DNAH9: variants seen among roughly 807,000 people sequenced by gnomAD.
The protein encoded by DNAH9 is dynein axonemal heavy chain 9.
Under a neutral mutation model 471.6 loss-of-function variants are expected in DNAH9, and 345 were observed. That is an observed-to-expected ratio of 0.73 (90% CI 0.67 to 0.80). The LOEUF is 0.80. Among genes scored for constraint, DNAH9 ranks in the 30% least tolerant of loss-of-function variants. The probability of loss-of-function intolerance (pLI) is 0.00; values close to 1 mark genes in which losing one functional copy is unlikely to be tolerated. For synonymous variants in DNAH9, 2,093 were observed against 2,123.6 expected (o/e 0.99, Z 0.40); for missense variants, 5,407 against 5,609.2 (o/e 0.96, Z 1.15).
At chr17:11,768,027 C>T (rs1293434381) in intron 36 of DNAH9, among the ~76,000 whole-genome samples, 1 of 152,152 alleles carries the variant, frequency 6.6e-6, no homozygotes, top group African/African-American at 2.4e-5. Context: ...GCTCTGTGCC[C>T]CAGGTGTCAA....
intron 8 of DNAH9, among the ~76,000 whole-genome samples, chr17:11,635,625 C>G (rs1597414202): frequency 6.6e-6 from 1 of 152,110 alleles, no homozygotes; most frequent in Non-Finnish European, 1.5e-5. Flanking sequence ...ATGGAAGGCA[C>G]GTTTAGAAGC....
At chr17:11,847,527 TGG>T (rs1971268321) in intron 49 of DNAH9, among the ~76,000 whole-genome samples, 1 of 152,184 alleles carries the variant, frequency 6.6e-6, no homozygotes, top group African/African-American at 2.4e-5. Context: ...TGTGGGTGTG[TGG>T]CCTTATATTT....
At chr17:11,800,978 C>T (rs193169699) in intron 43 of DNAH9, among the ~76,000 whole-genome samples, 1 of 152,222 alleles carries the variant, frequency 6.6e-6, no homozygotes, top group East Asian at 1.9e-4. Flanking sequence ...TAACTAGGGT[C>T]ATCAGGAAGG....
At chr17:11,838,106 A>G (rs937409637) in intron 49 of DNAH9, among the ~76,000 whole-genome samples, 1 of 152,210 alleles carries the variant, frequency 6.6e-6, no homozygotes, top group Non-Finnish European at 1.5e-5. Flanking sequence ...TAATTTAACT[A>G]AAAGTTTGAT....
At chr17:11,860,148 G>T (rs768532281) in intron 50 of DNAH9, among the ~76,000 whole-genome samples, 13 of 152,136 alleles carry the variant, frequency 8.5e-5, no homozygotes, top group Non-Finnish European at 1.6e-4. Context: ...TTCTGTGAAC[G>T]TGTCTATATT....
chr17:11,610,165 G>A (rs538832376), intron 2 of DNAH9, among the ~76,000 whole-genome samples: 1 of 152,262 alleles, frequency 6.6e-6, no homozygotes, highest in South Asian at 2.1e-4. Context: ...TATGAAAAAT[G>A]TACATACACA....
rs1974446753 is a variant in DNAH9 at position 11,929,847 on chromosome 17, G to A, written c.11878-19G>A. 1 of 1,602,016 alleles carries A rather than the reference G, an allele frequency of 6.2e-7. No homozygotes were observed. Among genetic ancestry groups the A allele is most frequent in the Non-Finnish European group, 8.5e-7 (1 of 1,172,846 alleles). The stretch of plus-strand genomic sequence containing the variant: ...AAGCAGATGCCTGTATTGAGGGGGG[G>A]CTCCTTCCTTCCCACTAGAACATTC... On this transcript the variant is annotated intron_variant, in intron 62 of 68. Coordinates refer to ENST00000262442, the MANE Select transcript of DNAH9 (RefSeq NM_001372.4).
intron 30 of DNAH9, 27 bp from the exon 31 acceptor site, chr17:11,744,770 G>A (rs1419812285): frequency 1.9e-6 from 3 of 1,589,044 alleles, no homozygotes; most frequent in African/African-American, 1.3e-5. Context: ...CTGTCTCTCT[G>A]TCACTTTGAT....
At chr17:11,860,880 G>A (rs757286222) in intron 50 of DNAH9, among the ~76,000 whole-genome samples, 2 of 152,054 alleles carry the variant, frequency 1.3e-5, no homozygotes, top group African/African-American at 2.4e-5. Flanking sequence ...AATGTTTTAT[G>A]CTTTTGTCTG....
At chr17:11,606,443 CTTTTCTTTTCT>C (rs1244909226) in intron 1 of DNAH9, among the ~76,000 whole-genome samples, 3 of 69,122 alleles carry the variant, frequency 4.3e-5, no homozygotes, top group Non-Finnish European at 7.6e-5. Flanking sequence ...CTTTTCTTTT[CTTTTCTTTTCT>C]TTTTTTTTTT....
chr17:11,889,675 C>T (rs552839035), intron 57 of DNAH9, among the ~76,000 whole-genome samples: 2 of 152,196 alleles, frequency 1.3e-5, no homozygotes, highest in Non-Finnish European at 2.9e-5. Context: ...TTTTTTAGTG[C>T]TCACTATATG....
chr17:11,796,096 T>A (rs1331507355), intron 42 of DNAH9, among the ~76,000 whole-genome samples: 1 of 152,260 alleles, frequency 6.6e-6, no homozygotes, highest in Non-Finnish European at 1.5e-5. Flanking sequence ...ATGGCTCTGA[T>A]CATAAAATCA....
At chr17:11,900,952 C>A (rs984072911) in intron 59 of DNAH9, among the ~76,000 whole-genome samples, 3 of 152,136 alleles carry the variant, frequency 2.0e-5, no homozygotes, top group African/African-American at 7.2e-5. Context: ...ACACACACAC[C>A]CAAAATACAG....
Position 11,920,177 on chromosome 17 carries a change from C to T in DNAH9, c.11750-3637C>T, listed in dbSNP as rs145763258. Among the ~76,000 whole-genome samples, 931 of 151,884 alleles carry T rather than the reference C, an allele frequency of 6.1e-3. 8 individuals carry two copies. Among genetic ancestry groups the T allele is most frequent in the African/African-American group, 0.021 (881 of 41,470 alleles). On this transcript the variant is annotated intron_variant, in intron 61 of 68. Coordinates refer to ENST00000262442, the MANE Select transcript of DNAH9 (RefSeq NM_001372.4). ...TCAGCCCCCTGAGTAGCTGGGATTA[C>T]AGGCATGTGTCACCATGCCTGGCTA...
chr17:11,898,840 C>T (rs114331916), intron 59 of DNAH9, among the ~76,000 whole-genome samples: 3,150 of 152,282 alleles, frequency 0.021, 110 homozygotes, highest in African/African-American at 0.072. Flanking sequence ...CCAAAAGCTA[C>T]GTACAATTTA....
At chr17:11,818,421 C>A (rs1483293225) in intron 45 of DNAH9, among the ~76,000 whole-genome samples, 1 of 145,018 alleles carries the variant, frequency 6.9e-6, no homozygotes, top group African/African-American at 2.8e-5. Context: ...GAGCAAGACT[C>A]CGTATTTAAA....
intron 38 of DNAH9, among the ~76,000 whole-genome samples, chr17:11,780,721 G>C (rs1968635098): frequency 6.6e-6 from 1 of 152,154 alleles, no homozygotes; most frequent in South Asian, 2.1e-4. Context: ...TAATCTCACA[G>C]TTATGTTATA....
chr17:11,689,514 G>C, intron 19 of DNAH9, 52 bp from the exon 20 acceptor site: 1 of 1,498,112 alleles, frequency 6.7e-7, no homozygotes, highest in South Asian at 1.3e-5. Context: ...GAGATGCTAG[G>C]AGATGGGCCC....
At chr17:11,837,927 A>G (rs753011357) in intron 49 of DNAH9, among the ~76,000 whole-genome samples, 6 of 152,090 alleles carry the variant, frequency 3.9e-5, no homozygotes, top group Non-Finnish European at 8.8e-5. Context: ...TCTTCCAACT[A>G]TCTCCATGGT....
Sources: allele counts gnomAD v4.1 joint callset (sites outside exome capture counted in the v4.1 genomes callset), GRCh38; gene constraint gnomAD v4.1.1; transcripts MANE v1.5; gene names NCBI Gene and HGNC (gene_info 2026-07-23, HGNC 2026-07-21).